PHF20L1: variants seen among roughly 807,000 people sequenced by gnomAD.
PHF20L1 encodes the protein PHD finger protein 20 like 1.
In PHF20L1, 44 loss-of-function variants were observed where a neutral mutation model predicts 125.5. That is an observed-to-expected ratio of 0.35 (90% CI 0.28 to 0.45). PHF20L1 has a LOEUF of 0.45. Among genes scored for constraint, PHF20L1 ranks in the 20% least tolerant of loss-of-function variants. PHF20L1 has a pLI of 1.00. For missense variants in PHF20L1, 1,012 were observed against 1,217.2 expected, an observed-to-expected ratio of 0.83 and a Z score of 2.51; for synonymous variants, 380 against 403.1, an observed-to-expected ratio of 0.94 and a Z score of 0.69.
chr8:132,795,681 C>G (rs374824126), intron 4 of PHF20L1, among the ~76,000 whole-genome samples: 1 of 151,982 alleles, frequency 6.6e-6, no homozygotes, highest in Non-Finnish European at 1.5e-5. Flanking sequence ...TCCTTATCCA[C>G]GGGGGATACA....
chr8:132,798,993 A>G, intron 5 of PHF20L1, 102 bp from the exon 6 acceptor site: 1 of 1,151,744 alleles, frequency 8.7e-7, no homozygotes, highest in Admixed American at 2.1e-5. Flanking sequence ...CCCAAATAGC[A>G]GCAAGAAAAG....
At chr8:132,825,518 G>A in intron 14 of PHF20L1, 147 bp downstream of exon 14, 1 of 602,342 alleles carries the variant, frequency 1.7e-6, no homozygotes, top group Non-Finnish European at 2.7e-6. Flanking sequence ...CCTTTGACAT[G>A]AAATTTCAAA....
chr8:132,792,139 A>G (rs1049893325), intron 2 of PHF20L1, among the ~76,000 whole-genome samples: 7 of 152,212 alleles, frequency 4.6e-5, no homozygotes, highest in African/African-American at 1.7e-4. Context: ...TTTTTTATTC[A>G]AAATGTAAAT....
At chr8:132,839,221 G>T in intron 17 of PHF20L1, 166 bp from the exon 18 acceptor site, 2 of 596,568 alleles carry the variant, frequency 3.4e-6, no homozygotes. Flanking sequence ...AAGGTGTGGA[G>T]GAGCTCTTCC....
intron 20 of PHF20L1, among the ~76,000 whole-genome samples, chr8:132,845,217 T>A (rs1838315267): frequency 6.6e-6 from 1 of 152,102 alleles, no homozygotes; most frequent in Non-Finnish European, 1.5e-5. Flanking sequence ...ATATAATCAA[T>A]TGCATTCTGC....
intron 8 of PHF20L1, chr8:132,807,865 T>C (rs936552911): frequency 9.6e-6 from 4 of 416,182 alleles, no homozygotes; most frequent in African/African-American, 2.1e-5. Context: ...TGCATTCTTA[T>C]TGGGCAATTT....
At chr8:132,820,528 TACTCTTGGGTGTAAAGG>T (rs1476763058) in intron 12 of PHF20L1, among the ~76,000 whole-genome samples, 1 of 151,920 alleles carries the variant, frequency 6.6e-6, no homozygotes, top group Non-Finnish European at 1.5e-5. Context: ...AGGTGTAAAG[TACTCTTGGGTGTAAAGG>T]AACAAAAGAT....
intron 5 of PHF20L1, 44 bp from the exon 6 acceptor site, chr8:132,799,051 G>T (rs1174184546): frequency 1.3e-6 from 2 of 1,517,348 alleles, no homozygotes; most frequent in South Asian, 1.2e-5. Context: ...TTGCTTCTTT[G>T]GTTTAGACCT....
chr8:132,782,672 T>TTACCTCCC (rs1164739984), intron 2 of PHF20L1, among the ~76,000 whole-genome samples: 7 of 152,032 alleles, frequency 4.6e-5, no homozygotes, highest in African/African-American at 1.7e-4. Context: ...CCTGCAGCCT[T>TTACCTCCC]TACCTCCCGG....
Position 132,802,451 on chromosome 8 carries a change from T to C in PHF20L1, c.508-1368T>C, listed in dbSNP as rs1487806215. On this transcript the variant is annotated intron_variant, in intron 6 of 20. Coordinates refer to ENST00000395386, the MANE Select transcript of PHF20L1 (RefSeq NM_016018.5). ...TTTCTCTTCAGTCAAAATCAATCTTTTCTTTTCTGTTCTATAGTATTTTGT... is the reference window on the plus strand; with the variant it reads ...TTTCTCTTCAGTCAAAATCAATCTTCTCTTTTCTGTTCTATAGTATTTTGT... Among the ~76,000 whole-genome samples the C allele has an allele frequency of 1.1e-4, 17 of 151,754 alleles. No individual in the cohort carries two copies. The Admixed American group carries it at 1.1e-3, about 10-fold the overall frequency.
At position 132,814,717 on chromosome 8, in the gene PHF20L1, G is replaced by A; in HGVS notation, c.1011G>A (p.Leu337=). ...SSSANTQKPA[L]LSSTLSSGKA... is the part of the protein sequence containing the mutation. ...CTGCCAACACTCAGAAACCTGCACT[G>A]TTATCCTCAACTTTGTCTTCAGGGA... is the stretch of plus-strand genomic sequence containing the variant. Residue 337 remains leucine (L), a synonymous_variant, in exon 10 of 21, where the codon CTG becomes CTA. Transcript: ENST00000395386. The A allele has an allele frequency of 1.2e-6, 2 of 1,612,764 alleles. No homozygotes were observed. The highest frequency in any genetic ancestry group is 1.1e-5 in the South Asian group (1 of 91,016).
intron 19 of PHF20L1, chr8:132,843,825 ATT>A (rs1838182561): frequency 1.0e-6 from 1 of 985,164 alleles, no homozygotes; most frequent in East Asian, 1.1e-4. Context: ...ACCAGCTGAG[ATT>A]AATTGAGGAA....
chr8:132,825,176 T>G (rs1176898806), intron 13 of PHF20L1, 88 bp from the exon 14 acceptor site: 1 of 1,564,918 alleles, frequency 6.4e-7, no homozygotes. Flanking sequence ...AATAGCTGAT[T>G]AAAACATAAA....
intron 8 of PHF20L1, chr8:132,810,826 AAAC>A: frequency 2.1e-6 from 1 of 468,676 alleles, no homozygotes; most frequent in Non-Finnish European, 3.9e-6. Flanking sequence ...GAGTAATATT[AAAC>A]AACAGACACA....
chr8:132,830,315 A>G (rs968796045), intron 14 of PHF20L1, among the ~76,000 whole-genome samples: 2 of 152,034 alleles, frequency 1.3e-5, no homozygotes, highest in Admixed American at 6.6e-5. Flanking sequence ...GCCCACCCAT[A>G]TGATCCAGGA....
intron 19 of PHF20L1, chr8:132,843,078 TGTA>T (rs1304575513): frequency 2.3e-6 from 3 of 1,292,996 alleles, no homozygotes; most frequent in Non-Finnish European, 2.9e-6. Context: ...AATTCAGAAT[TGTA>T]GTAATTCAAT....
intron 18 of PHF20L1, chr8:132,841,705 G>T (rs970985745): frequency 2.6e-5 from 4 of 152,050 alleles, no homozygotes; most frequent in African/African-American, 4.8e-5. Flanking sequence ...TGTTGATGGG[G>T]TTGTAATTAG....
At chr8:132,804,937 C>T (rs1408107980) in intron 8 of PHF20L1, among the ~76,000 whole-genome samples, 197 bp downstream of exon 8, 3 of 151,826 alleles carry the variant, frequency 2.0e-5, no homozygotes, top group Non-Finnish European at 4.4e-5. Flanking sequence ...TGAAAAATAC[C>T]ACATATCTTC....
At chr8:132,785,035 G>A (rs992877547) in intron 2 of PHF20L1, among the ~76,000 whole-genome samples, 1 of 152,128 alleles carries the variant, frequency 6.6e-6, no homozygotes, top group East Asian at 1.9e-4. Flanking sequence ...TTTATAATGA[G>A]GGTAAAGTCC....
Sources: allele counts gnomAD v4.1 joint callset (sites outside exome capture counted in the v4.1 genomes callset), GRCh38; gene constraint gnomAD v4.1.1; transcripts MANE v1.5; gene names NCBI Gene and HGNC (gene_info 2026-07-23, HGNC 2026-07-21).